Variants in TUBA3D observed in about 807,000 individuals in gnomAD.
TUBA3D encodes the protein tubulin alpha 3d.
TUBA3D carries 24 observed loss-of-function variants against 36.1 expected under a neutral mutation model. The observed-to-expected ratio is 0.66, with a 90% CI of 0.48 to 0.93. TUBA3D has a LOEUF of 0.93. TUBA3D is among the 40% of genes least tolerant of loss of function. The probability of loss-of-function intolerance (pLI) is 0.00; values close to 1 mark genes in which losing one functional copy is unlikely to be tolerated. For missense variants in TUBA3D, 356 were observed against 614.5 expected, an observed-to-expected ratio of 0.58 and a Z score of 4.45; for synonymous variants, 185 against 247.2, an observed-to-expected ratio of 0.75 and a Z score of 2.36.
rs752480154 is a variant in TUBA3D at position 131,480,187 on chromosome 2, C to T, written c.494C>T (p.Ser165Phe). 6.2e-7 allele frequency: 1 copy of T among 1,613,948 alleles called. No individual in the cohort carries two copies. The highest frequency in any genetic ancestry group is 8.5e-7 in the Non-Finnish European group (1 of 1,180,028). The part of the protein sequence containing the change: ...ERLSVDYGKK[S>F]KLEFAIYPAP... ...CTCTCAGTGGATTACGGCAAGAAGT[C>T]CAAGCTAGAGTTTGCCATTTACCCA... Residue 165 changes from serine to phenylalanine, a missense_variant, in exon 4 of 5, where the codon TCC becomes TTC. By Grantham distance (155) the Ser-to-Phe change is radical. Transcript: ENST00000321253.
chr2:131,476,341 A>G lies in TUBA3D; in HGVS notation c.3+139A>G, dbSNP rs1678666337. On this transcript the variant is annotated intron_variant, in intron 1 of 4. Transcript: ENST00000321253. ...GCAGGGTCTAGTGCGGGACAGGAGG[A>G]CACGGGATCGTTTCCTGGATCTTTG... 1.4e-5 allele frequency: 21 copies of G among 1,458,316 alleles called. No homozygotes were observed. In the South Asian group the frequency reaches 2.6e-4, roughly 18 times the overall value. The allele number at this position is 1,458,316 out of a possible 1,614,324, so 90.3% of individuals were successfully genotyped here.
rs1299461866 is a variant in TUBA3D, at chr2:131,478,299, G to A, written c.139G>A (p.Asp47Asn). Reference sequence around the variant, plus strand: ...TGATAAAACCATTGGTGGCGGGGACGACTCCTTCAACACGTTCTTCAGTGA... The same window carrying A: ...TGATAAAACCATTGGTGGCGGGGACAACTCCTTCAACACGTTCTTCAGTGA... ...PSDKTIGGGD[D>N]SFNTFFSETG... Residue 47 changes from aspartate to asparagine, a missense_variant, in exon 2 of 5, where the codon GAC becomes AAC. Asp to Asn is a conservative substitution (Grantham distance 23, BLOSUM62 1). Around this residue, in one of 3 missense-constraint regions of TUBA3D, gnomAD observed 109 missense variants for 153.7 expected, o/e 0.71. Transcript: ENST00000321253. 8.1e-6 allele frequency: 13 copies of A among 1,614,016 alleles called. No homozygotes were observed. Among genetic ancestry groups the A allele is most frequent in the Admixed American group, 3.3e-5 (2 of 60,024 alleles).
rs1463122033 is a variant in TUBA3D, at chr2:131,480,191, G to A, written c.498G>A (p.Lys166=). ...CAGTGGATTACGGCAAGAAGTCCAA[G>A]CTAGAGTTTGCCATTTACCCAGCCC... is the stretch of plus-strand genomic sequence containing the variant. The part of the protein sequence containing the change: ...RLSVDYGKKS[K]LEFAIYPAPQ... The change falls in exon 4 of 5, where the codon AAG becomes AAA. Residue 166 remains lysine, a synonymous_variant. Transcript: ENST00000321253. 6.2e-7 allele frequency: 1 copy of A among 1,613,850 alleles called. No individual in the cohort carries two copies. Among genetic ancestry groups the A allele is most frequent in the Admixed American group, 1.7e-5 (1 of 59,978 alleles).
chr2:131,480,603 A>G lies in TUBA3D; in HGVS notation c.910A>G (p.Lys304Glu), dbSNP rs745833665. Reference protein sequence around the residue: ...ACFEPANQMVKCDPRHGKYMA... With the variant: ...ACFEPANQMVECDPRHGKYMA... ...CTTCGAGCCAGCCAATCAAATGGTC[A>G]AGTGTGACCCTCGCCACGGCAAGTA... The change falls in exon 4 of 5, where the codon AAG (lysine) becomes GAG (glutamate). Residue 304 changes from lysine to glutamate, a missense_variant. Lys to Glu is a moderately conservative substitution (Grantham distance 56, BLOSUM62 1). Transcript: ENST00000321253. The G allele has an allele frequency of 1.4e-5, 23 of 1,613,172 alleles. No homozygotes were observed. In the East Asian group the frequency reaches 4.7e-4, roughly 33 times the overall value.
At chr2:131,478,430 G>A in intron 2 of TUBA3D, 44 bp downstream of exon 2, 3 of 1,544,472 alleles carry the variant, frequency 1.9e-6, no homozygotes, top group Non-Finnish European at 2.6e-6. Flanking sequence ...GAGAGGGTGG[G>A]AGAGCATTGG....
In TUBA3D at chr2:131,476,161, G is replaced by A. The variant is rs1306276362; in HGVS notation, c.-39G>A. The A allele has an allele frequency of 6.2e-7, 1 of 1,613,722 alleles. No individual in the cohort carries two copies. The highest frequency in any genetic ancestry group is 2.2e-5 in the East Asian group (1 of 44,882). On this transcript the variant is annotated 5_prime_UTR_variant, in exon 1 of 5. Coordinates refer to ENST00000321253, the MANE Select transcript of TUBA3D (RefSeq NM_080386.4). ...TCAGCAGCTGTGGCAGCCGGTTGAG[G>A]TCTGGCAGTAGCGTTGGGCTGAAGC...
In TUBA3D at chr2:131,479,310, G is replaced by A. The variant is rs1284864122; in HGVS notation, c.229G>A (p.Glu77Lys). 1.2e-6 allele frequency: 2 copies of A among 1,613,876 alleles called. No individual in the cohort carries two copies. Among genetic ancestry groups the A allele is most frequent in the Non-Finnish European group, 1.7e-6 (2 of 1,179,804 alleles). The change falls in exon 3 of 5, where the codon GAA becomes AAA. Residue 77 changes from glutamate (E) to lysine (K), a missense_variant and splice_region_variant. This residue lies in a region of TUBA3D where 109 missense variants were observed against 153.7 expected (regional missense o/e 0.71). Coordinates refer to ENST00000321253, the MANE Select transcript of TUBA3D (RefSeq NM_080386.4). ...FVDLEPTVVD[E>K]VRTGTYRQLF... is the part of the protein sequence containing the mutation. ...AGCACACACTGTCTCTTTTGCAGATGAAGTGCGCACAGGGACCTACAGGCA... is the reference window on the plus strand; with the variant it reads ...AGCACACACTGTCTCTTTTGCAGATAAAGTGCGCACAGGGACCTACAGGCA...
chr2:131,476,734 G>C (rs548648226), intron 1 of TUBA3D, among the ~76,000 whole-genome samples: 172 of 152,104 alleles, frequency 1.1e-3, no homozygotes, highest in South Asian at 4.8e-3. Context: ...TGGAGTTCAA[G>C]ATCAGCCCGA....
Position 131,478,232 on chromosome 2 carries a change from C to A in TUBA3D, c.72C>A (p.Tyr24Ter). The change falls in exon 2 of 5, where the codon TAC becomes TAA. Residue 24 changes from tyrosine (Y) to a stop codon, truncating the protein, a stop_gained. Coordinates refer to ENST00000321253, the MANE Select transcript of TUBA3D (RefSeq NM_080386.4). LOFTEE classifies it high-confidence loss of function. The part of the protein sequence containing the change: ...VQIGNACWEL[Y>*]CLEHGIQPDG... ...TCGGCAATGCCTGCTGGGAACTGTA[C>A]TGCCTTGAACATGGAATTCAGCCCG... The A allele has an allele frequency of 6.2e-7, 1 of 1,614,106 alleles. No individual in the cohort carries two copies. The highest frequency in any genetic ancestry group is 8.5e-7 in the Non-Finnish European group (1 of 1,179,936).
Position 131,481,570 on chromosome 2 carries a change from G to A in TUBA3D, c.1056+821G>A, listed in dbSNP as rs1315561027. Among the ~76,000 whole-genome samples, 5 of 151,924 alleles carry A rather than the reference G, an allele frequency of 3.3e-5. No individual in the cohort carries two copies. The East Asian group carries it at 9.7e-4, about 29-fold the overall frequency. Reference sequence around the variant, plus strand: ...CTGCCTCAGCCTCCCAAGTAGCTGGGATTACAGGCACCTGCCACCACGCCT... The same window carrying A: ...CTGCCTCAGCCTCCCAAGTAGCTGGAATTACAGGCACCTGCCACCACGCCT... On this transcript the variant is annotated intron_variant, in intron 4 of 4. Coordinates refer to ENST00000321253, the MANE Select transcript of TUBA3D (RefSeq NM_080386.4).
intron 4 of TUBA3D, among the ~76,000 whole-genome samples, chr2:131,481,435 A>ATTT (rs70994779): frequency 0.14 from 18,655 of 129,038 alleles, 2,461 homozygotes; most frequent in African/African-American, 0.35. Context: ...TGCCCGGGTA[A>ATTT]TTTTTTTTTT....
chr2:131,480,750 G>T lies in TUBA3D; in HGVS notation c.1056+1G>T, dbSNP rs772787251. The T allele has an allele frequency of 1.2e-6, 2 of 1,607,592 alleles. No individual in the cohort carries two copies. Among genetic ancestry groups the T allele is most frequent in the Admixed American group, 3.3e-5 (2 of 59,850 alleles). ...GGATTGGTGCCCGACTGGATTTAAG[G>T]TATGACTGGGTGATGTGGAGGCCTT... On this transcript the variant is annotated splice_donor_variant, in intron 4 of 4. Transcript: ENST00000321253. LOFTEE classifies it high-confidence loss of function.
At chr2:131,480,845 G>A in intron 4 of TUBA3D, 96 bp downstream of exon 4, 1 of 1,511,716 alleles carries the variant, frequency 6.6e-7, no homozygotes, top group Non-Finnish European at 9.0e-7. Context: ...GATTATCCCT[G>A]TTCCATGGGC....
At chr2:131,477,189 C>T (rs559892033) in intron 1 of TUBA3D, among the ~76,000 whole-genome samples, 2 of 151,754 alleles carry the variant, frequency 1.3e-5, no homozygotes, top group South Asian at 4.2e-4. Context: ...AGGTGTGTGC[C>T]ACCACACCTG....
chr2:131,478,656 C>T, intron 2 of TUBA3D: 1 of 635,072 alleles, frequency 1.6e-6, no homozygotes, highest in South Asian at 2.3e-5. Context: ...GTGCCTCAGC[C>T]CTGCTCAGGT....
rs1678905613 is a variant in TUBA3D at position 131,482,784 on chromosome 2, A to T, written c.1289A>T (p.Lys430Met). The T allele has an allele frequency of 6.2e-7, 1 of 1,613,608 alleles. No homozygotes were observed. Among genetic ancestry groups the T allele is most frequent in the African/African-American group, 1.3e-5 (1 of 74,906 alleles). The change falls in exon 5 of 5, where the codon AAG becomes ATG. Residue 430 changes from lysine to methionine, a missense_variant. Around this residue, in one of 3 missense-constraint regions of TUBA3D, gnomAD observed 156 missense variants for 219.8 expected, o/e 0.71. Coordinates refer to ENST00000321253, the MANE Select transcript of TUBA3D (RefSeq NM_080386.4). ...EAREDLAALE[K>M]DYEEVGVDSV... ...CGCGAGGACCTGGCAGCTCTAGAGA[A>T]GGATTATGAAGAGGTGGGCGTGGAT...
intron 1 of TUBA3D, among the ~76,000 whole-genome samples, chr2:131,477,107 G>A (rs1192762817): frequency 1.3e-5 from 2 of 150,942 alleles, no homozygotes; most frequent in African/African-American, 2.4e-5. Flanking sequence ...GCAGGATCAC[G>A]GCTCCCTGCA....
At chr2:131,481,475 G>A (rs1378209294) in intron 4 of TUBA3D, among the ~76,000 whole-genome samples, 1 of 142,368 alleles carries the variant, frequency 7.0e-6, no homozygotes, top group Admixed American at 7.2e-5. Context: ...TTGCTCTGTC[G>A]CCCGGGTTGG....
At chr2:131,479,168 C>T (rs1678766280) in intron 2 of TUBA3D, 140 bp from the exon 3 acceptor site, 1 of 1,362,614 alleles carries the variant, frequency 7.3e-7, no homozygotes, top group Admixed American at 2.4e-5. Context: ...TTCTACCAGA[C>T]ACTGCCACTG....
Sources: allele counts gnomAD v4.1 joint callset (sites outside exome capture counted in the v4.1 genomes callset), GRCh38; gene constraint gnomAD v4.1.1; regional missense constraint gnomAD v4.1.1; transcripts MANE v1.5; gene names NCBI Gene and HGNC (gene_info 2026-07-23, HGNC 2026-07-21).